The following ROBO2 variants were observed in gnomAD, a reference collection of about 807,000 sequenced individuals.
ROBO2 encodes the protein roundabout homolog 2.
In ROBO2, 53 loss-of-function variants were observed where a neutral mutation model predicts 160.8. The observed-to-expected ratio is 0.33, with a 90% CI of 0.26 to 0.41. ROBO2 has a LOEUF of 0.41. Among genes scored for constraint, ROBO2 ranks in the 10% least tolerant of loss-of-function variants. The pLI, the probability that ROBO2 is intolerant of heterozygous loss-of-function variation, is 1.00. For missense variants in ROBO2, 1,577 were observed against 1,722.4 expected, an observed-to-expected ratio of 0.92 and a Z score of 1.49; for synonymous variants, 664 against 611.7, an observed-to-expected ratio of 1.09 and a Z score of -1.26.
rs2089221183 is a variant in ROBO2 at position 76,622,249 on chromosome 3, A to AGAAAGAAAGAAG, written c.110-475754_110-475753insGGAAAGAAAGAA. ...AAGGAAGGAAGGAAGAAAGAAAGAA[A>AGAAAGAAAGAAG]GAAAGAAAGAAAGAAAGAAAGAAAG... On this transcript the variant is annotated intron_variant, in intron 2 of 26. Transcript: ENST00000487694. Among the ~76,000 whole-genome samples the AGAAAGAAAGAAG allele has an allele frequency of 3.8e-4, 20 of 52,672 alleles. 3 individuals carry two copies. The South Asian group carries it at 6.0e-3, about 16-fold the overall frequency. The allele number at this position is 52,672 out of a possible 152,430, so 34.6% of individuals were successfully genotyped here.
At chr3:76,892,214 T>C (rs1166987) in intron 2 of ROBO2, among the ~76,000 whole-genome samples, 31,838 of 150,820 alleles carry the variant, frequency 0.21, 3,660 homozygotes, top group Middle Eastern at 0.27. Flanking sequence ...CCCGTGGCTG[T>C]ATGGAGGTCA....
At chr3:77,052,875 G>A (rs982970255) in intron 1 of ROBO2, among the ~76,000 whole-genome samples, 2 of 152,150 alleles carry the variant, frequency 1.3e-5, no homozygotes, top group African/African-American at 4.8e-5. Flanking sequence ...AGAGTTTACA[G>A]AAGCAGCTAA....
intron 6 of ROBO2, among the ~76,000 whole-genome samples, chr3:77,532,561 A>G (rs2091822114): frequency 1.3e-5 from 2 of 151,800 alleles, no homozygotes. Flanking sequence ...TCTTAGTTAT[A>G]TTGGCTTTCC....
intron 2 of ROBO2, among the ~76,000 whole-genome samples, chr3:76,705,041 C>A (rs566598262): frequency 6.6e-6 from 1 of 152,226 alleles, no homozygotes; most frequent in Admixed American, 6.5e-5. Flanking sequence ...TCTATGCCAA[C>A]TCTTCAACTC....
rs1294382602 is a variant in ROBO2 at position 76,747,941 on chromosome 3, A to G, written c.110-350073A>G. ...AATTTCATTTAATATTCGAATTCTC[A>G]GGGGAGGAATGAAAAACATTATGTA... On this transcript the variant is annotated intron_variant, in intron 2 of 26. Transcript: ENST00000487694. Among the ~76,000 whole-genome samples the G allele has an allele frequency of 2.0e-5, 3 of 151,938 alleles. No individual in the cohort carries two copies. The East Asian group carries it at 5.8e-4, about 29-fold the overall frequency.
intron 2 of ROBO2, among the ~76,000 whole-genome samples, chr3:76,091,502 T>G (rs991326798): frequency 2.0e-5 from 3 of 152,276 alleles, no homozygotes; most frequent in East Asian, 1.9e-4. Flanking sequence ...TACAGCCGCT[T>G]TGGAAGACCG....
chr3:76,567,654 C>CACATACAT (rs1553805766), intron 2 of ROBO2, among the ~76,000 whole-genome samples: 10 of 41,638 alleles, frequency 2.4e-4, no homozygotes, highest in Admixed American at 8.1e-4. Context: ...TATATATATA[C>CACATACAT]ACATACACAT....
intron 2 of ROBO2, among the ~76,000 whole-genome samples, chr3:76,894,827 C>T (rs879578287): frequency 2.0e-4 from 31 of 152,032 alleles, no homozygotes; most frequent in Non-Finnish European, 3.7e-4. Flanking sequence ...ATGGTTTTGA[C>T]TTAATTCAAC....
intron 2 of ROBO2, among the ~76,000 whole-genome samples, chr3:77,252,916 T>C (rs1167380703): frequency 1.4e-5 from 2 of 147,054 alleles, no homozygotes; most frequent in Non-Finnish European, 3.0e-5. Flanking sequence ...CTCTATTTGA[T>C]AAAATAATAT....
intron 2 of ROBO2, among the ~76,000 whole-genome samples, chr3:76,655,084 AT>A (rs1352901794): frequency 1.3e-5 from 2 of 150,968 alleles, no homozygotes; most frequent in African/African-American, 4.8e-5. Flanking sequence ...CGGGGTTACA[AT>A]TTTTTAAATT....
At chr3:76,010,134 A>G (rs560387145) in intron 2 of ROBO2, among the ~76,000 whole-genome samples, 11 of 152,224 alleles carry the variant, frequency 7.2e-5, no homozygotes, top group Non-Finnish European at 1.5e-4. Flanking sequence ...AAAAATGTCA[A>G]CTTCGAAACT....
intron 1 of ROBO2, among the ~76,000 whole-genome samples, chr3:77,057,496 A>G (rs1258437220): frequency 1.3e-5 from 2 of 151,472 alleles, no homozygotes; most frequent in Admixed American, 1.3e-4. Context: ...GCTTTGGCAC[A>G]TCTGTCTTTT....
At chr3:77,451,375 T>C (rs562872006) in intron 2 of ROBO2, among the ~76,000 whole-genome samples, 1 of 152,104 alleles carries the variant, frequency 6.6e-6, no homozygotes, top group South Asian at 2.1e-4. Flanking sequence ...TCTAAAATTA[T>C]TATGATTTTA....
chr3:77,349,029 C>T (rs1386730784), intron 2 of ROBO2, among the ~76,000 whole-genome samples: 1 of 152,126 alleles, frequency 6.6e-6, no homozygotes, highest in African/African-American at 2.4e-5. Flanking sequence ...CTGTTTCCTG[C>T]CTTGCTTCTT....
At chr3:77,182,641 C>T (rs1269253131) in intron 2 of ROBO2, among the ~76,000 whole-genome samples, 2 of 152,028 alleles carry the variant, frequency 1.3e-5, no homozygotes. Flanking sequence ...TTAGACCTAG[C>T]AGGCCTAAAT....
exon 4 of ROBO2, chr3:77,481,148 G>C: frequency 6.2e-7 from 1 of 1,611,874 alleles, no homozygotes; most frequent in Non-Finnish European, 8.5e-7. Context: ...AGTGATGCAG[G>C]GATGTATACT....
chr3:76,750,916 G>A (rs555368736), intron 2 of ROBO2, among the ~76,000 whole-genome samples: 289 of 152,158 alleles, frequency 1.9e-3, no homozygotes, highest in Non-Finnish European at 3.4e-3. Context: ...AGCTATCAAT[G>A]ACTTTCTTCA....
chr3:75,957,692 C>T (rs1370696698), intron 2 of ROBO2, among the ~76,000 whole-genome samples: 1 of 150,714 alleles, frequency 6.6e-6, no homozygotes, highest in Non-Finnish European at 1.5e-5. Flanking sequence ...TTTTGAAAAA[C>T]ATTACTAAGA....
At chr3:77,129,834 C>T (rs1335990318) in intron 2 of ROBO2, among the ~76,000 whole-genome samples, 1 of 152,042 alleles carries the variant, frequency 6.6e-6, no homozygotes, top group African/African-American at 2.4e-5. Context: ...TGACCATGAC[C>T]CTTTTTTTGG....
Sources: gnomAD v4.1 joint callset for allele counts (sites outside exome capture counted in the v4.1 genomes callset) on GRCh38, gnomAD v4.1.1 for gene constraint, MANE v1.5 for transcripts, NCBI Gene and HGNC (gene_info 2026-07-23, HGNC 2026-07-21) for gene names.